The following ACER2 variants were observed in gnomAD, a reference collection of about 807,000 sequenced individuals.
ACER2 encodes alkaline ceramidase 2, also known as alkCDase 2.
A neutral mutation model predicts 34.7 loss-of-function variants in ACER2; 26 were observed. The observed-to-expected ratio is 0.75, with a 90% CI of 0.55 to 1.04. ACER2 has a LOEUF of 1.04. Among genes scored for constraint, ACER2 ranks in the 50% least tolerant of loss-of-function variants. The pLI is 0.00. For missense variants in ACER2, 352 were observed against 340.8 expected, an observed-to-expected ratio of 1.03 and a Z score of -0.26; for synonymous variants, 138 against 132.1, an observed-to-expected ratio of 1.04 and a Z score of -0.31.
intron 5 of ACER2, among the ~76,000 whole-genome samples, chr9:19,448,790 A>G (rs1368581073): frequency 1.3e-5 from 2 of 152,144 alleles, no homozygotes; most frequent in African/African-American, 4.8e-5. Flanking sequence ...TCAATTTGTG[A>G]TGTGTATTTC....
intron 3 of ACER2, among the ~76,000 whole-genome samples, chr9:19,428,001 TTTTCCTTTTTCCTTTCC>T (rs1830625676): frequency 1.4e-4 from 12 of 85,268 alleles, no homozygotes; most frequent in Non-Finnish European, 2.3e-4. Flanking sequence ...TTCCTTTCCT[TTTTCCTTTTTCCTTTCC>T]TTTCCTTTCC....
chr9:19,426,231 A>ATT lies in ACER2; in HGVS notation c.365+1390_365+1391insTT, dbSNP rs1563878653. Among the ~76,000 whole-genome samples the ATT allele has an allele frequency of 8.8e-3, 840 of 95,092 alleles. 12 individuals carry two copies. The highest frequency in any genetic ancestry group is 0.039 in the African/African-American group (784 of 20,040). The allele number at this position is 95,092 out of a possible 152,430, so 62.4% of individuals were successfully genotyped here. A position where few individuals can be genotyped will look rare whatever the true frequency, so the allele number is the denominator to read the frequency against. On this transcript the variant is annotated intron_variant, in intron 3 of 5. Coordinates refer to ENST00000340967, the MANE Select transcript of ACER2 (RefSeq NM_001010887.3). ...CTGAACTGGTTGACTTTTTTTTTAA[A>ATT]AAAAAAAAAACAAAATTAACACATT...
Position 19,445,571 on chromosome 9 carries a change from G to A in ACER2, c.504-710G>A, listed in dbSNP as rs1409276919. 2.0e-5 allele frequency among the ~76,000 whole-genome samples: 3 copies of A among 152,236 alleles called. No homozygotes were observed. The East Asian group carries it at 5.8e-4, about 29-fold the overall frequency. ...GCTTACTGAGTGACATTTGAGCAAAGATTTACATGTGAGGGAAGAGCATTC... is the reference window on the plus strand; with the variant it reads ...GCTTACTGAGTGACATTTGAGCAAAAATTTACATGTGAGGGAAGAGCATTC... On this transcript the variant is annotated intron_variant, in intron 4 of 5. Transcript: ENST00000340967.
chr9:19,433,954 A>AC lies in ACER2; in HGVS notation c.366-986dup, dbSNP rs1314671313. ...GGGCGGCTGGCCGGGCAGGGGGCTGACCCCCCCACCTCCCTCCCGGACGGG... is the reference window on the plus strand; with the variant it reads ...GGGCGGCTGGCCGGGCAGGGGGCTGACCCCCCCCACCTCCCTCCCGGACGGG... On this transcript the variant is annotated intron_variant, in intron 3 of 5. Coordinates refer to ENST00000340967, the MANE Select transcript of ACER2 (RefSeq NM_001010887.3). Among the ~76,000 whole-genome samples the AC allele has an allele frequency of 1.9e-3, 273 of 140,384 alleles. 1 individual carries two copies. Among genetic ancestry groups the AC allele is most frequent in the Middle Eastern group, 0.013 (3 of 230 alleles). 92.1% of individuals were successfully genotyped at this position (140,384 alleles called of 152,430 possible).
chr9:19,422,534 T>C (rs761592972), intron 1 of ACER2, among the ~76,000 whole-genome samples: 1 of 151,966 alleles, frequency 6.6e-6, no homozygotes, highest in Non-Finnish European at 1.5e-5. Flanking sequence ...TACTTAAAAA[T>C]AGGTTTTGGT....
At chr9:19,450,188 CATTT>C (rs1388652115) in intron 5 of ACER2, 1 of 985,242 alleles carries the variant, frequency 1.0e-6, no homozygotes, top group African/African-American at 1.7e-5. Flanking sequence ...GGCCCAAAGG[CATTT>C]ATTTGCACAT....
rs1332023047 is a variant in ACER2 at position 19,434,354 on chromosome 9, C to T, written c.366-593C>T. On this transcript the variant is annotated intron_variant, in intron 3 of 5. Transcript: ENST00000340967. ...TGGCCGGCCAGGCAGAGACGCTCCTCACTTCCCAGACGGGGTGGCGGCCGG... is the reference window on the plus strand; with the variant it reads ...TGGCCGGCCAGGCAGAGACGCTCCTTACTTCCCAGACGGGGTGGCGGCCGG... Among the ~76,000 whole-genome samples, 4 of 152,298 alleles carry T rather than the reference C, an allele frequency of 2.6e-5. No homozygotes were observed. In the South Asian group the frequency reaches 6.2e-4, roughly 24 times the overall value.
chr9:19,452,373 A>C lies in ACER2; in HGVS notation c.*1737A>C, dbSNP rs1288074312. Among the ~76,000 whole-genome samples the C allele has an allele frequency of 1.3e-5, 2 of 152,196 alleles. No homozygotes were observed. Among genetic ancestry groups the C allele is most frequent in the Non-Finnish European group, 2.9e-5 (2 of 68,028 alleles). ...TGAATTTAGAGTTTAAAAATGAATG[A>C]CTTTATGCTACATCTGTGGTTATCA... is the stretch of plus-strand genomic sequence containing the variant. On this transcript the variant is annotated 3_prime_UTR_variant, in exon 6 of 6. Transcript: ENST00000340967.
At chr9:19,426,258 ATC>A (rs1830558593) in intron 3 of ACER2, among the ~76,000 whole-genome samples, 2 of 147,686 alleles carry the variant, frequency 1.4e-5, no homozygotes, top group African/African-American at 5.0e-5. Flanking sequence ...TAACACATTA[ATC>A]TCTTTCTTTC....
intron 1 of ACER2, among the ~76,000 whole-genome samples, chr9:19,422,327 T>A (rs1359008752): frequency 6.6e-6 from 1 of 151,908 alleles, no homozygotes; most frequent in African/African-American, 2.4e-5. Flanking sequence ...AACTATCTCA[T>A]TAATGATATT....
intron 4 of ACER2, among the ~76,000 whole-genome samples, chr9:19,440,257 C>T (rs146066313): frequency 4.8e-4 from 73 of 152,272 alleles, no homozygotes; most frequent in African/African-American, 1.7e-3. Flanking sequence ...CAGTCTCTTG[C>T]GTAGACTCCT....
In ACER2 at chr9:19,450,821, A is replaced by G; in HGVS notation, c.*185A>G. The G allele has an allele frequency of 2.2e-6, 1 of 460,720 alleles. No individual in the cohort carries two copies. The highest frequency in any genetic ancestry group is 3.6e-6 in the Non-Finnish European group (1 of 279,722). 28.5% of individuals were successfully genotyped at this position (460,720 alleles called of 1,614,324 possible). On this transcript the variant is annotated 3_prime_UTR_variant, in exon 6 of 6. Transcript: ENST00000340967. ...AGGGATTTAAACTTTGTCATATGGT[A>G]CAAATATTCCCTGCCCCCCTGCAGT...
intron 1 of ACER2, among the ~76,000 whole-genome samples, chr9:19,419,961 G>T (rs537206136): frequency 6.6e-6 from 1 of 151,824 alleles, no homozygotes; most frequent in African/African-American, 2.4e-5. Context: ...TCTTTCTCCC[G>T]TTTCTAAAAA....
chr9:19,442,151 A>G (rs1299369451), intron 4 of ACER2, among the ~76,000 whole-genome samples: 1 of 152,176 alleles, frequency 6.6e-6, no homozygotes, highest in Non-Finnish European at 1.5e-5. Flanking sequence ...TGTTAAGTAC[A>G]TTGCCGAGTA....
intron 4 of ACER2, among the ~76,000 whole-genome samples, chr9:19,441,014 C>A (rs571029353): frequency 9.7e-4 from 148 of 152,038 alleles, no homozygotes; most frequent in African/African-American, 3.2e-3. Context: ...CTTCCCCAAA[C>A]ATGCCATTTC....
At position 19,452,433 on chromosome 9, in the gene ACER2, T is replaced by G. The variant is rs1290562212; in HGVS notation, c.*1797T>G. Among the ~76,000 whole-genome samples the G allele has an allele frequency of 1.3e-5, 2 of 152,188 alleles. No individual in the cohort carries two copies. The highest frequency in any genetic ancestry group is 4.8e-5 in the African/African-American group (2 of 41,454). On this transcript the variant is annotated 3_prime_UTR_variant, in exon 6 of 6. Coordinates refer to ENST00000340967, the MANE Select transcript of ACER2 (RefSeq NM_001010887.3). ...GGTTGTTGAGAAGCAGAACGCTGTT[T>G]GTAGTAAGAAATCTTTGTGGAACCC...
At chr9:19,437,182 A>C (rs565202299) in intron 4 of ACER2, among the ~76,000 whole-genome samples, 1 of 152,258 alleles carries the variant, frequency 6.6e-6, no homozygotes, top group African/African-American at 2.4e-5. Flanking sequence ...ATTCCCAGCT[A>C]TCTGCTGGGT....
chr9:19,431,935 T>A (rs991568746), intron 3 of ACER2, among the ~76,000 whole-genome samples: 1 of 152,224 alleles, frequency 6.6e-6, no homozygotes, highest in African/African-American at 2.4e-5. Flanking sequence ...TTGGCCAAAG[T>A]AAATTGTGCT....
chr9:19,434,235 C>T (rs1252914390), intron 3 of ACER2, among the ~76,000 whole-genome samples: 1 of 151,720 alleles, frequency 6.6e-6, no homozygotes, highest in Non-Finnish European at 1.5e-5. Context: ...AAGAGGCGCT[C>T]CTCACTTCCC....
Sources: allele counts gnomAD v4.1 joint callset (sites outside exome capture counted in the v4.1 genomes callset), GRCh38; gene constraint gnomAD v4.1.1; transcripts MANE v1.5; gene names NCBI Gene and HGNC (gene_info 2026-07-23, HGNC 2026-07-21).